Variants in RUNDC3B observed in about 807,000 individuals in gnomAD.
RUNDC3B encodes the protein RUN domain containing 3B.
In RUNDC3B, 33 loss-of-function variants were observed where a neutral mutation model predicts 58.4. That is an observed-to-expected ratio of 0.56 (90% confidence interval 0.43 to 0.75). RUNDC3B has a LOEUF of 0.75. RUNDC3B is among the 30% of genes least tolerant of loss of function. RUNDC3B has a pLI of 0.00. For missense variants in RUNDC3B, 501 were observed against 535.7 expected, an observed-to-expected ratio of 0.94 and a Z score of 0.64; for synonymous variants, 193 against 195.2, an observed-to-expected ratio of 0.99 and a Z score of 0.10.
rs186665227 is a variant in RUNDC3B, at chr7:87,748,455, G to A, written c.629+6876G>A. ...GCTAAAATTCACAATGCAAGCCTCCGCAGGCTGCTCTGTCTAGAGCTGACA... is the reference window on the plus strand; with the variant it reads ...GCTAAAATTCACAATGCAAGCCTCCACAGGCTGCTCTGTCTAGAGCTGACA... On this transcript the variant is annotated intron_variant, in intron 6 of 10. Coordinates refer to ENST00000394654, the MANE Select transcript of RUNDC3B (RefSeq NM_001134405.2). 1.2e-3 allele frequency among the ~76,000 whole-genome samples: 177 copies of A among 152,302 alleles called. 1 individual carries two copies. Among genetic ancestry groups the A allele is most frequent in the African/African-American group, 4.1e-3 (170 of 41,564 alleles).
chr7:87,798,176 TTTG>T (rs568355168), intron 8 of RUNDC3B, among the ~76,000 whole-genome samples: 52 of 152,328 alleles, frequency 3.4e-4, no homozygotes, highest in Middle Eastern at 3.4e-3. Flanking sequence ...AGGCTTTCAG[TTTG>T]TTGTTGTTAA....
chr7:87,687,603 C>T (rs1341146018), intron 2 of RUNDC3B, among the ~76,000 whole-genome samples: 2 of 152,112 alleles, frequency 1.3e-5, no homozygotes, highest in Non-Finnish European at 2.9e-5. Flanking sequence ...GCAGTGCCTA[C>T]GATATGGCAG....
chr7:87,790,291 T>C (rs1835453212), intron 8 of RUNDC3B, among the ~76,000 whole-genome samples: 1 of 152,230 alleles, frequency 6.6e-6, no homozygotes, highest in South Asian at 2.1e-4. Flanking sequence ...GCAGTACCTC[T>C]ACGAGTCTGC....
At chr7:87,749,498 C>T (rs948064272) in intron 6 of RUNDC3B, among the ~76,000 whole-genome samples, 1 of 152,134 alleles carries the variant, frequency 6.6e-6, no homozygotes, top group Non-Finnish European at 1.5e-5. Flanking sequence ...AGCCAGTTAG[C>T]ATCACTAGTC....
intron 2 of RUNDC3B, among the ~76,000 whole-genome samples, chr7:87,678,124 T>C (rs1307886530): frequency 2.6e-5 from 4 of 152,170 alleles, no homozygotes; most frequent in Non-Finnish European, 5.9e-5. Context: ...ACAGAAACTG[T>C]GAATATCTAA....
intron 6 of RUNDC3B, among the ~76,000 whole-genome samples, chr7:87,758,015 A>G (rs1249522675): frequency 6.6e-6 from 1 of 152,188 alleles, no homozygotes; most frequent in Non-Finnish European, 1.5e-5. Flanking sequence ...AAAATGCATT[A>G]AAGACTTAAA....
At chr7:87,792,531 G>A (rs574696811) in intron 8 of RUNDC3B, among the ~76,000 whole-genome samples, 29 of 152,018 alleles carry the variant, frequency 1.9e-4, no homozygotes, top group African/African-American at 5.8e-4. Flanking sequence ...AACCACAATG[G>A]AATATAACTA....
At chr7:87,769,857 G>A (rs1003648401) in intron 6 of RUNDC3B, among the ~76,000 whole-genome samples, 5 of 151,904 alleles carry the variant, frequency 3.3e-5, no homozygotes, top group African/African-American at 1.2e-4. Flanking sequence ...CTGTGTCCAT[G>A]AATTAACACC....
chr7:87,746,271 T>G (rs1832635926), intron 6 of RUNDC3B, among the ~76,000 whole-genome samples: 1 of 152,190 alleles, frequency 6.6e-6, no homozygotes, highest in Non-Finnish European at 1.5e-5. Flanking sequence ...AGAATGTGTA[T>G]CCTGCAGATG....
At chr7:87,778,480 G>T (rs942069616) in intron 8 of RUNDC3B, among the ~76,000 whole-genome samples, 53 of 149,938 alleles carry the variant, frequency 3.5e-4, no homozygotes, top group Non-Finnish European at 6.8e-4. Flanking sequence ...GAAAATACAA[G>T]AAGAGAATAA....
At chr7:87,681,387 C>T (rs1826912282) in intron 2 of RUNDC3B, among the ~76,000 whole-genome samples, 5 of 150,598 alleles carry the variant, frequency 3.3e-5, no homozygotes, top group Admixed American at 2.7e-4. Context: ...AAACTCTACT[C>T]ATACTGAGGT....
At chr7:87,826,780 A>G (rs1298421026) in intron 10 of RUNDC3B, among the ~76,000 whole-genome samples, 1 of 152,176 alleles carries the variant, frequency 6.6e-6, no homozygotes, top group African/African-American at 2.4e-5. Context: ...GCCTGAAGTA[A>G]TCACCTACAA....
intron 3 of RUNDC3B, among the ~76,000 whole-genome samples, chr7:87,707,384 T>G (rs1267219900): frequency 6.6e-6 from 1 of 152,126 alleles, no homozygotes; most frequent in Admixed American, 6.6e-5. Context: ...TATTGGAATA[T>G]GTTAAAATTC....
chr7:87,706,550 T>C (rs1829602157), intron 3 of RUNDC3B, among the ~76,000 whole-genome samples: 1 of 152,102 alleles, frequency 6.6e-6, no homozygotes, highest in African/African-American at 2.4e-5. Flanking sequence ...AAATTTAAGA[T>C]ATAAGGGAGC....
intron 4 of RUNDC3B, among the ~76,000 whole-genome samples, chr7:87,711,958 A>G (rs540995544): frequency 6.6e-6 from 1 of 152,288 alleles, no homozygotes; most frequent in South Asian, 2.1e-4. Context: ...TATCTCTGAG[A>G]TCTTAACTTC....
intron 2 of RUNDC3B, among the ~76,000 whole-genome samples, chr7:87,675,500 C>T (rs952227288): frequency 6.6e-6 from 1 of 151,692 alleles, no homozygotes; most frequent in African/African-American, 2.4e-5. Flanking sequence ...AAAACAAAAA[C>T]AGATACATAG....
At chr7:87,751,931 G>A (rs1833023297) in intron 6 of RUNDC3B, among the ~76,000 whole-genome samples, 2 of 152,282 alleles carry the variant, frequency 1.3e-5, no homozygotes, top group African/African-American at 4.8e-5. Context: ...AGTGGTGAGA[G>A]AGGGCATCCC....
chr7:87,701,608 G>C (rs964168705), intron 3 of RUNDC3B, among the ~76,000 whole-genome samples: 1 of 152,182 alleles, frequency 6.6e-6, no homozygotes, highest in Non-Finnish European at 1.5e-5. Context: ...ACTATAGTAT[G>C]AAAAAGTCAT....
rs1357560459 is a variant in RUNDC3B at position 87,754,671 on chromosome 7, G to C, written c.629+13092G>C. Among the ~76,000 whole-genome samples the C allele has an allele frequency of 2.6e-5, 4 of 151,786 alleles. No homozygotes were observed. In the East Asian group the frequency reaches 7.7e-4, roughly 29 times the overall value. On this transcript the variant is annotated intron_variant, in intron 6 of 10. Coordinates refer to ENST00000394654, the MANE Select transcript of RUNDC3B (RefSeq NM_001134405.2). ...AGGAGTTGGTTTTTTGAAAAAATAA[G>C]ATAGTTAGGTTCCAAGCTAGACTAA... is the stretch of plus-strand genomic sequence containing the variant.
Sources: gnomAD v4.1 joint callset for allele counts (sites outside exome capture counted in the v4.1 genomes callset) on GRCh38, gnomAD v4.1.1 for gene constraint, MANE v1.5 for transcripts, NCBI Gene and HGNC (gene_info 2026-07-23, HGNC 2026-07-21) for gene names.